SPTBN4: variants seen among roughly 807,000 people sequenced by gnomAD.
SPTBN4 encodes the protein spectrin beta, non-erythrocytic 4, also known as spectrin beta chain, non-erythrocytic 4.
In SPTBN4, 96 loss-of-function variants were observed where a neutral mutation model predicts 277.8. The ratio of observed to expected loss-of-function variants is 0.35; its 90% CI spans 0.29 to 0.41. The LOEUF (loss-of-function observed/expected upper bound fraction) is 0.41. Ranked by LOEUF, SPTBN4 falls within the 10% of genes least tolerant of loss-of-function variation. The probability of loss-of-function intolerance (pLI) is 1.00; values close to 1 mark genes in which losing one functional copy is unlikely to be tolerated. For synonymous variants in SPTBN4, 1,481 were observed against 1,580.3 expected (o/e 0.94, Z 1.49); for missense variants, 3,006 against 3,595.7 (o/e 0.84, Z 4.19).
intron 3 of SPTBN4, among the ~76,000 whole-genome samples, 194 bp downstream of exon 3, chr19:40,488,042 G>C (rs1479974130): frequency 6.6e-6 from 1 of 152,090 alleles, no homozygotes; most frequent in African/African-American, 2.4e-5. Context: ...GAGCTTGGTC[G>C]TGAGAAGCCT....
intron 26 of SPTBN4, among the ~76,000 whole-genome samples, chr19:40,557,918 CAAAAAAAAAA>C (rs772813414): frequency 4.5e-5 from 2 of 44,344 alleles, no homozygotes; most frequent in African/African-American, 1.7e-4. Context: ...TACTCTGTCT[CAAAAAAAAAA>C]AAAAAAAAAA....
Position 40,490,377 on chromosome 19 carries a change from G to A in SPTBN4, c.495+129G>A. 2 of 1,165,794 alleles carry A rather than the reference G, an allele frequency of 1.7e-6. No individual in the cohort carries two copies. Among genetic ancestry groups the A allele is most frequent in the Non-Finnish European group, 1.2e-6 (1 of 843,966 alleles). The allele number at this position is 1,165,794 out of a possible 1,614,324, so 72.2% of individuals were successfully genotyped here. A position where few individuals can be genotyped will look rare whatever the true frequency, so the allele number is the denominator to read the frequency against. Reference sequence around the variant, plus strand: ...GCTGGAATCCTATTCCAGGTGTTAGGGATGAAAATAATGATAAAAATAATT... The same window carrying A: ...GCTGGAATCCTATTCCAGGTGTTAGAGATGAAAATAATGATAAAAATAATT... On this transcript the variant is annotated intron_variant, in intron 4 of 35. Transcript: ENST00000598249. This position sits in a 1 kb window ranked among gnomAD's most constrained non-coding sequence, Gnocchi z 4.3.
chr19:40,572,392 T>C lies in SPTBN4; in HGVS notation c.7536+12T>C, dbSNP rs1223634857. On this transcript the variant is annotated intron_variant, in intron 35 of 35. Coordinates refer to ENST00000598249, the MANE Select transcript of SPTBN4 (RefSeq NM_020971.3). ...AGGCAAAAGATGAGGTGAGATCTGG[T>C]CCTTTCCTCCCTCTGTGTGGACCTC... 1 of 1,614,028 alleles carries C rather than the reference T, an allele frequency of 6.2e-7. No homozygotes were observed. Among genetic ancestry groups the C allele is most frequent in the African/African-American group, 1.3e-5 (1 of 74,934 alleles).
chr19:40,546,929 G>T (rs550408168), intron 20 of SPTBN4, among the ~76,000 whole-genome samples: 8 of 152,292 alleles, frequency 5.3e-5, no homozygotes, highest in Middle Eastern at 3.4e-3. Context: ...GAAATTCTTT[G>T]ATTGTTAAAC....
chr19:40,550,423 G>A (rs554256117), intron 22 of SPTBN4, 96 bp downstream of exon 22: 1 of 1,163,642 alleles, frequency 8.6e-7, no homozygotes, highest in East Asian at 2.4e-5. Flanking sequence ...GAATGTATTG[G>A]CTTTTGGAAT....
intron 4 of SPTBN4, among the ~76,000 whole-genome samples, chr19:40,491,665 G>A (rs2080137325): frequency 7.8e-6 from 1 of 128,528 alleles, no homozygotes; most frequent in Non-Finnish European, 1.6e-5. Context: ...TGTGAGCCGA[G>A]ACCACACCAC....
chr19:40,534,394 G>A, intron 20 of SPTBN4, 51 bp downstream of exon 20: 1 of 1,589,376 alleles, frequency 6.3e-7, no homozygotes, highest in East Asian at 2.3e-5. Context: ...ATGGGGGCCA[G>A]GTCAGGGTCC....
At chr19:40,529,656 C>T (rs1233672218) in intron 18 of SPTBN4, among the ~76,000 whole-genome samples, 3 of 152,160 alleles carry the variant, frequency 2.0e-5, no homozygotes, top group African/African-American at 7.2e-5. Context: ...GGCCCCCTTC[C>T]TTATTAGTGA....
chr19:40,532,619 G>A lies in SPTBN4; in HGVS notation c.3949-6G>A, dbSNP rs976966197. The A allele has an allele frequency of 6.2e-6, 10 of 1,611,976 alleles. No individual in the cohort carries two copies. The African/African-American group carries it at 1.2e-4, about 19-fold the overall frequency. ...CAGCTGAGCCCTCCTGCCCTGTTCTGCACAGCTGGATGGCTGGATCCATGA... is the reference window on the plus strand; with the variant it reads ...CAGCTGAGCCCTCCTGCCCTGTTCTACACAGCTGGATGGCTGGATCCATGA... On this transcript the variant is annotated splice_polypyrimidine_tract_variant and splice_region_variant and intron_variant, in intron 18 of 35. Coordinates refer to ENST00000598249, the MANE Select transcript of SPTBN4 (RefSeq NM_020971.3).
chr19:40,563,154 G>T (rs2081059933), intron 27 of SPTBN4, among the ~76,000 whole-genome samples: 1 of 152,098 alleles, frequency 6.6e-6, no homozygotes, highest in Admixed American at 6.6e-5. Context: ...TCAGGCTGCA[G>T]TGAGCCATGA....
intron 19 of SPTBN4, among the ~76,000 whole-genome samples, chr19:40,533,620 G>A (rs879874438): frequency 5.3e-5 from 8 of 152,166 alleles, no homozygotes; most frequent in African/African-American, 1.9e-4. Flanking sequence ...TTGACTTTGA[G>A]TTTAATGGAA....
Position 40,504,152 on chromosome 19 carries a change from G to GGGGA in SPTBN4, c.1665+20_1665+21insGGGA. Reference sequence around the variant, plus strand: ...ATGCAGGTGCCGGCGGGGGGGCGGGGATGCGGGTGGAGTGCCAGGAGGGAG... The same window carrying GGGGA: ...ATGCAGGTGCCGGCGGGGGGGCGGGGGGGAATGCGGGTGGAGTGCCAGGAGGGAG... On this transcript the variant is annotated intron_variant, in intron 12 of 35. Transcript: ENST00000598249. 2 of 877,204 alleles carry GGGGA rather than the reference G, an allele frequency of 2.3e-6. No homozygotes were observed. Among genetic ancestry groups the GGGGA allele is most frequent in the Non-Finnish European group, 3.5e-6 (2 of 566,484 alleles). 54.3% of individuals were successfully genotyped at this position (877,204 alleles called of 1,614,324 possible). A position where few individuals can be genotyped will look rare whatever the true frequency, so the allele number is the denominator to read the frequency against.
chr19:40,483,970 G>A (rs1037188248), intron 2 of SPTBN4, among the ~76,000 whole-genome samples: 7 of 150,462 alleles, frequency 4.7e-5, no homozygotes, highest in Admixed American at 1.3e-4. Context: ...AAAGCTCTTC[G>A]CAAAGCTGAG....
rs534844066 is a variant in SPTBN4 at position 40,566,394 on chromosome 19, C to G, written c.6336+35C>G. ...CCAGATACTGCCCCATTACCCCCAC[C>G]CCCACCAAGACCCCCACACCCATGG... On this transcript the variant is annotated intron_variant, in intron 30 of 35. Transcript: ENST00000598249. 127 of 1,468,144 alleles carry G rather than the reference C, an allele frequency of 8.7e-5. No homozygotes were observed. The African/African-American group carries it at 1.7e-3, about 19-fold the overall frequency. The allele number at this position is 1,468,144 out of a possible 1,614,324, so 90.9% of individuals were successfully genotyped here.
At chr19:40,533,847 A>C (rs2080704969) in intron 19 of SPTBN4, among the ~76,000 whole-genome samples, 1 of 146,260 alleles carries the variant, frequency 6.8e-6, no homozygotes. Context: ...CCCTCCCCTC[A>C]CTTCTGTCTG....
intron 7 of SPTBN4, among the ~76,000 whole-genome samples, chr19:40,500,421 A>G (rs1054404481): frequency 6.6e-6 from 1 of 152,250 alleles, no homozygotes; most frequent in Non-Finnish European, 1.5e-5. Context: ...TCCAAAGCCT[A>G]TGTTCTTGAC....
intron 35 of SPTBN4, among the ~76,000 whole-genome samples, chr19:40,573,319 A>G (rs1011442875): frequency 3.3e-5 from 5 of 152,150 alleles, no homozygotes; most frequent in African/African-American, 9.7e-5. Context: ...CTCAAAAACA[A>G]GAGGGGGTGG....
At chr19:40,546,125 G>T (rs1159491314) in intron 20 of SPTBN4, among the ~76,000 whole-genome samples, 1 of 150,418 alleles carries the variant, frequency 6.6e-6, no homozygotes, top group Non-Finnish European at 1.5e-5. Flanking sequence ...CTCGGGAGGC[G>T]GAGGCAGGAG....
Position 40,554,843 on chromosome 19 carries a change from A to AG in SPTBN4, c.5084+199dup, listed in dbSNP as rs1306773318. The AG allele has an allele frequency of 1.4e-6, 1 of 734,092 alleles. No homozygotes were observed. Among genetic ancestry groups the AG allele is most frequent in the South Asian group, 1.8e-5 (1 of 54,680 alleles). 45.5% of individuals were successfully genotyped at this position (734,092 alleles called of 1,614,324 possible). On this transcript the variant is annotated intron_variant, in intron 24 of 35. Coordinates refer to ENST00000598249, the MANE Select transcript of SPTBN4 (RefSeq NM_020971.3). The surrounding 1 kb of genome is among the most constrained non-coding windows in gnomAD (Gnocchi z 5.7). ...CAGGGATGGTTGAGAGGGTGGGGCC[A>AG]GGAGCACCTGGATTTGAGTGTAGTA... is the stretch of plus-strand genomic sequence containing the variant.
Sources: allele counts gnomAD v4.1 joint callset (sites outside exome capture counted in the v4.1 genomes callset), GRCh38; gene constraint gnomAD v4.1.1; non-coding constraint Gnocchi (gnomAD v3.1); transcripts MANE v1.5; gene names NCBI Gene and HGNC (gene_info 2026-07-23, HGNC 2026-07-21).